The following GPC6 variants were observed in gnomAD, a reference collection of about 807,000 sequenced individuals.
GPC6 encodes glypican 6.
A neutral mutation model predicts 55.2 loss-of-function variants in GPC6; 14 were observed. That is an observed-to-expected ratio of 0.25 (90% CI 0.17 to 0.40). GPC6 has a LOEUF of 0.40. Among genes scored for constraint, GPC6 ranks in the 10% least tolerant of loss-of-function variants. The pLI is 1.00. For synonymous variants in GPC6, 278 were observed against 259.6 expected (o/e 1.07, Z -0.68); for missense variants, 641 against 708.5 (o/e 0.90, Z 1.08).
intron 3 of GPC6, among the ~76,000 whole-genome samples, chr13:93,922,013 CA>C (rs1042968996): frequency 5.9e-5 from 9 of 151,550 alleles, no homozygotes; most frequent in African/African-American, 1.9e-4. Flanking sequence ...ACATAGAATT[CA>C]AATGAATACA....
chr13:93,657,810 C>G (rs1880746845), intron 2 of GPC6, among the ~76,000 whole-genome samples: 1 of 151,968 alleles, frequency 6.6e-6, no homozygotes, highest in South Asian at 2.1e-4. Flanking sequence ...ACAGATGCTT[C>G]TCAAAAGAAG....
At chr13:94,076,860 A>G (rs1217696320) in intron 4 of GPC6, among the ~76,000 whole-genome samples, 1 of 151,140 alleles carries the variant, frequency 6.6e-6, no homozygotes, top group Non-Finnish European at 1.5e-5. Flanking sequence ...TGCCAGTGTC[A>G]TACTGTTTGA....
At chr13:93,705,592 G>A (rs1781581538) in intron 2 of GPC6, among the ~76,000 whole-genome samples, 1 of 151,804 alleles carries the variant, frequency 6.6e-6, no homozygotes, top group Non-Finnish European at 1.5e-5. Flanking sequence ...GAAGCTGTGA[G>A]CATTTTGCAA....
chr13:93,371,751 A>T (rs184842091), intron 1 of GPC6, among the ~76,000 whole-genome samples: 2 of 152,246 alleles, frequency 1.3e-5, no homozygotes, highest in East Asian at 1.9e-4. Flanking sequence ...GGAGATACAT[A>T]GTGCAATGCC....
intron 3 of GPC6, among the ~76,000 whole-genome samples, chr13:93,882,007 T>C (rs1232369441): frequency 1.3e-5 from 2 of 152,046 alleles, no homozygotes; most frequent in Non-Finnish European, 2.9e-5. Flanking sequence ...TAGTTTTCAA[T>C]CAAAACATGG....
At chr13:94,105,413 C>A (rs976920876) in intron 4 of GPC6, among the ~76,000 whole-genome samples, 12 of 152,144 alleles carry the variant, frequency 7.9e-5, no homozygotes, top group Admixed American at 7.9e-4. Flanking sequence ...TTATCTCCAA[C>A]AGTGATTAGC....
chr13:93,812,052 C>T (rs1013942512), intron 2 of GPC6, among the ~76,000 whole-genome samples: 2 of 149,978 alleles, frequency 1.3e-5, no homozygotes, highest in African/African-American at 2.5e-5. Flanking sequence ...ATATTTAGGT[C>T]TCAGTCACTG....
At chr13:93,998,234 T>C (rs1490085082) in intron 3 of GPC6, among the ~76,000 whole-genome samples, 4 of 152,170 alleles carry the variant, frequency 2.6e-5, no homozygotes, top group African/African-American at 9.7e-5. Flanking sequence ...TAGATGACAA[T>C]AAAATATAGT....
rs541005331 is a variant in GPC6, at chr13:93,999,699, T to G, written c.712-28030T>G. 1.1e-3 allele frequency among the ~76,000 whole-genome samples: 165 copies of G among 152,256 alleles called. 2 individuals carry two copies. Among genetic ancestry groups the G allele is most frequent in the Non-Finnish European group, 1.8e-3 (122 of 68,030 alleles). ...GTTCATCAGTTGATGGACACTTAGG[T>G]TGATTTCATATCTTGGCTATTGCAA... On this transcript the variant is annotated intron_variant, in intron 3 of 8. Coordinates refer to ENST00000377047, the MANE Select transcript of GPC6 (RefSeq NM_005708.5).
intron 2 of GPC6, among the ~76,000 whole-genome samples, chr13:93,793,661 A>C (rs1291414678): frequency 2.6e-5 from 4 of 152,198 alleles, no homozygotes; most frequent in Non-Finnish European, 5.9e-5. Context: ...ACTTTTTGTA[A>C]TTCCTAATAA....
intron 4 of GPC6, among the ~76,000 whole-genome samples, chr13:94,222,914 T>A (rs1389709842): frequency 6.6e-6 from 1 of 152,118 alleles, no homozygotes; most frequent in African/African-American, 2.4e-5. Flanking sequence ...GATGCTTTTT[T>A]TAACCCAGGT....
At chr13:94,111,717 A>T (rs1330085077) in intron 4 of GPC6, among the ~76,000 whole-genome samples, 1 of 152,062 alleles carries the variant, frequency 6.6e-6, no homozygotes, top group African/African-American at 2.4e-5. Context: ...GTTTATTTAC[A>T]TGACAGTCTA....
intron 1 of GPC6, among the ~76,000 whole-genome samples, chr13:93,411,682 G>T (rs1358517837): frequency 2.0e-5 from 3 of 152,030 alleles, no homozygotes; most frequent in Non-Finnish European, 4.4e-5. Flanking sequence ...CATTGACAAA[G>T]GTTCTATACA....
In GPC6 at chr13:93,543,794, C is replaced by G. The variant is rs182760250; in HGVS notation, c.161-1469C>G. Among the ~76,000 whole-genome samples the G allele has an allele frequency of 2.2e-4, 33 of 152,200 alleles. No individual in the cohort carries two copies. The East Asian group carries it at 6.4e-3, about 29-fold the overall frequency. Reference sequence around the variant, plus strand: ...TGTTCCAGTAAACATGGGATGCAAACGTCTCTTTGATGTATTGATTTCCTT... The same window carrying G: ...TGTTCCAGTAAACATGGGATGCAAAGGTCTCTTTGATGTATTGATTTCCTT... On this transcript the variant is annotated intron_variant, in intron 1 of 8. Transcript: ENST00000377047.
At chr13:94,357,403 C>A (rs1327608329) in intron 6 of GPC6, among the ~76,000 whole-genome samples, 1 of 152,164 alleles carries the variant, frequency 6.6e-6, no homozygotes, top group African/African-American at 2.4e-5. Flanking sequence ...CCCTACTTGG[C>A]AGACCCAGGA....
At chr13:93,597,454 C>G (rs1023385619) in intron 2 of GPC6, among the ~76,000 whole-genome samples, 1 of 152,178 alleles carries the variant, frequency 6.6e-6, no homozygotes, top group Non-Finnish European at 1.5e-5. Context: ...AGGGAGCTGT[C>G]TGACTGGAAC....
intron 2 of GPC6, among the ~76,000 whole-genome samples, chr13:93,698,385 C>T (rs1016975489): frequency 2.6e-5 from 4 of 151,704 alleles, no homozygotes; most frequent in African/African-American, 7.3e-5. Context: ...TTTAATTCTA[C>T]GCTCTATGCC....
intron 3 of GPC6, among the ~76,000 whole-genome samples, chr13:93,898,389 C>T (rs954188105): frequency 6.6e-6 from 1 of 152,042 alleles, no homozygotes; most frequent in Non-Finnish European, 1.5e-5. Flanking sequence ...CAGGAAAATG[C>T]CATGCCATAG....
intron 1 of GPC6, among the ~76,000 whole-genome samples, chr13:93,384,755 G>A (rs1442888562): frequency 6.6e-6 from 1 of 152,242 alleles, no homozygotes; most frequent in Non-Finnish European, 1.5e-5. Context: ...ACACTTTCAT[G>A]CCAACAGATA....
Sources: gnomAD v4.1 joint callset for allele counts (sites outside exome capture counted in the v4.1 genomes callset) on GRCh38, gnomAD v4.1.1 for gene constraint, MANE v1.5 for transcripts, NCBI Gene and HGNC (gene_info 2026-07-23, HGNC 2026-07-21) for gene names.